ALK: variants seen among roughly 807,000 people sequenced by gnomAD.
The protein encoded by ALK is ALK receptor tyrosine kinase, also known as ALK tyrosine kinase receptor.
In ALK, 74 loss-of-function variants were observed where a neutral mutation model predicts 163.1. The ratio of observed to expected loss-of-function variants is 0.45; its 90% CI spans 0.38 to 0.55. The LOEUF (loss-of-function observed/expected upper bound fraction) is 0.55. Among genes scored for constraint, ALK ranks in the 20% least tolerant of loss-of-function variants. The pLI is 0.00. For synonymous variants in ALK, 960 were observed against 843.2 expected (o/e 1.14, Z -2.40); for missense variants, 2,063 against 2,105.3 (o/e 0.98, Z 0.39).
chr2:29,269,087 T>C (rs188607109), intron 11 of ALK, among the ~76,000 whole-genome samples: 175 of 152,346 alleles, frequency 1.1e-3, no homozygotes, highest in African/African-American at 4.2e-3. Context: ...AGGTAGTCTG[T>C]GCTCTTAAAA....
At chr2:29,570,817 G>A (rs915943181) in intron 3 of ALK, among the ~76,000 whole-genome samples, 1 of 152,172 alleles carries the variant, frequency 6.6e-6, no homozygotes, top group African/African-American at 2.4e-5. Flanking sequence ...TCCAACCAGG[G>A]CTCATCAGCA....
Position 29,321,010 on chromosome 2 carries a change from G to T in ALK, c.1415-128C>A. On this transcript the variant is annotated intron_variant, in intron 6 of 28. Transcript: ENST00000389048. Reference sequence around the variant, plus strand: ...AGTAATATAGCTCCCCAGCCAGAATGCTGGATGACTAATGACACTGATTAT... The same window carrying T: ...AGTAATATAGCTCCCCAGCCAGAATTCTGGATGACTAATGACACTGATTAT... 1.7e-6 allele frequency: 2 copies of T among 1,162,652 alleles called. 1 individual carries two copies. The highest frequency in any genetic ancestry group is 4.2e-4 in the Middle Eastern group (2 of 4,716). 72.0% of individuals were successfully genotyped at this position (1,162,652 alleles called of 1,614,324 possible). A position where few individuals can be genotyped will look rare whatever the true frequency, so the allele number is the denominator to read the frequency against.
At chr2:29,580,377 C>T (rs1674648164) in intron 3 of ALK, among the ~76,000 whole-genome samples, 1 of 152,174 alleles carries the variant, frequency 6.6e-6, no homozygotes, top group African/African-American at 2.4e-5. Context: ...GGTGTCCTCT[C>T]CCGCTCCCCC....
At chr2:29,865,956 T>C (rs1405894357) in intron 1 of ALK, among the ~76,000 whole-genome samples, 2 of 152,178 alleles carry the variant, frequency 1.3e-5, no homozygotes, top group African/African-American at 4.8e-5. Flanking sequence ...CAAGGGTCTC[T>C]GGGGATAGGG....
At chr2:29,316,819 T>A (rs1011739578) in intron 8 of ALK, among the ~76,000 whole-genome samples, 2 of 152,148 alleles carry the variant, frequency 1.3e-5, no homozygotes, top group Non-Finnish European at 2.9e-5. Context: ...CAAAAAGGAT[T>A]TAAGGTGGTT....
chr2:29,334,215 C>A (rs1558679147), intron 5 of ALK, among the ~76,000 whole-genome samples: 1 of 152,262 alleles, frequency 6.6e-6, no homozygotes, highest in East Asian at 1.9e-4. Context: ...TGCTACATAT[C>A]ATTACTATGG....
intron 1 of ALK, among the ~76,000 whole-genome samples, chr2:29,904,060 C>T (rs1271627592): frequency 1.3e-5 from 2 of 152,156 alleles, no homozygotes; most frequent in African/African-American, 4.8e-5. Context: ...CCTAATCTCA[C>T]AACTCCTGGT....
intron 3 of ALK, among the ~76,000 whole-genome samples, chr2:29,666,143 T>C (rs2148266096): frequency 6.6e-6 from 1 of 152,266 alleles, no homozygotes; most frequent in South Asian, 2.1e-4. Context: ...CTCTATTCCG[T>C]TAGTCTACTC....
intron 4 of ALK, among the ~76,000 whole-genome samples, chr2:29,422,913 GT>G (rs59625011): frequency 0.14 from 19,729 of 138,520 alleles, 1,363 homozygotes; most frequent in African/African-American, 0.2. Context: ...CACTTGATAT[GT>G]TTTTTTTTTT....
At chr2:29,789,855 T>G (rs1241606148) in intron 1 of ALK, among the ~76,000 whole-genome samples, 1 of 152,208 alleles carries the variant, frequency 6.6e-6, no homozygotes, top group Non-Finnish European at 1.5e-5. Context: ...CATTTGGCCG[T>G]GGAGAACCTT....
intron 3 of ALK, among the ~76,000 whole-genome samples, chr2:29,561,163 G>A (rs1674012485): frequency 6.6e-6 from 1 of 152,016 alleles, no homozygotes; most frequent in Non-Finnish European, 1.5e-5. Flanking sequence ...GTGGCTACTA[G>A]ACAATTTTGA....
intron 4 of ALK, among the ~76,000 whole-genome samples, chr2:29,445,971 C>T (rs1415711261): frequency 1.4e-5 from 2 of 146,548 alleles, no homozygotes; most frequent in South Asian, 2.2e-4. Flanking sequence ...TAGTGGCGGG[C>T]GCCTGTAGTC....
chr2:29,850,947 G>C (rs573684591), intron 1 of ALK, among the ~76,000 whole-genome samples: 1 of 152,192 alleles, frequency 6.6e-6, no homozygotes, highest in African/African-American at 2.4e-5. Context: ...ACCCTTCACC[G>C]GTGCCGGTGT....
chr2:29,881,485 G>A (rs1028090765), intron 1 of ALK, among the ~76,000 whole-genome samples: 2 of 152,188 alleles, frequency 1.3e-5, no homozygotes, highest in African/African-American at 4.8e-5. Flanking sequence ...TGACTTTGGA[G>A]CAAAGGGCAT....
intron 11 of ALK, among the ~76,000 whole-genome samples, chr2:29,257,144 G>C (rs550952905): frequency 5.3e-5 from 8 of 152,174 alleles, no homozygotes; most frequent in Admixed American, 4.6e-4. Flanking sequence ...ATGGTCCCCA[G>C]GGAGGATCTG....
intron 5 of ALK, among the ~76,000 whole-genome samples, chr2:29,360,673 G>A (rs1489459061): frequency 6.6e-6 from 1 of 152,156 alleles, no homozygotes; most frequent in East Asian, 1.9e-4. Flanking sequence ...TATGACAGGA[G>A]CACAAATAAC....
chr2:29,363,241 A>T (rs191390795), intron 5 of ALK, among the ~76,000 whole-genome samples: 4 of 152,276 alleles, frequency 2.6e-5, no homozygotes, highest in Admixed American at 2.6e-4. Flanking sequence ...AACATAAATC[A>T]ATGGCTCTGG....
chr2:29,527,469 G>A (rs1478902938), intron 4 of ALK, among the ~76,000 whole-genome samples: 1 of 152,102 alleles, frequency 6.6e-6, no homozygotes, highest in Non-Finnish European at 1.5e-5. Context: ...TGCCACTGTG[G>A]AGATGAGTCC....
intron 3 of ALK, among the ~76,000 whole-genome samples, chr2:29,639,884 G>A (rs1012852986): frequency 3.3e-5 from 5 of 152,168 alleles, no homozygotes; most frequent in Admixed American, 3.3e-4. Context: ...TCCAGGGTTT[G>A]CATGATTTCA....
Sources: allele counts gnomAD v4.1 joint callset (sites outside exome capture counted in the v4.1 genomes callset), GRCh38; gene constraint gnomAD v4.1.1; transcripts MANE v1.5; gene names NCBI Gene and HGNC (gene_info 2026-07-23, HGNC 2026-07-21).